Variants in MX1 observed in about 807,000 individuals in gnomAD.
MX1 encodes the protein interferon-induced GTP-binding protein Mx1.
A neutral mutation model predicts 66.4 loss-of-function variants in MX1; 66 were observed. That is an observed-to-expected ratio of 0.99 (90% CI 0.82 to 1.22). MX1 has a LOEUF of 1.22. Among genes scored for constraint, MX1 ranks in the 50% most tolerant of loss-of-function variants. The pLI is 0.00. For synonymous variants in MX1, 311 were observed against 318.1 expected (o/e 0.98, Z 0.24); for missense variants, 787 against 834.3 (o/e 0.94, Z 0.70).
upstream of MX1, among the ~76,000 whole-genome samples, chr21:41,425,041 G>T (rs564123978): frequency 1.3e-5 from 2 of 152,216 alleles, no homozygotes; most frequent in Non-Finnish European, 2.9e-5. Context: ...AGATAAGCTT[G>T]CATCTGCAAC....
At position 41,457,734 on chromosome 21, in the gene MX1, G is replaced by T. The variant is rs117531174; in HGVS notation, c.1759-794G>T. ...TCTATTTTGCCATCTTAACCATTTG[G>T]GGGTACATAGTTCAGTGGCATTAAG... On this transcript the variant is annotated intron_variant, in intron 16 of 16. Coordinates refer to ENST00000398598, the MANE Select transcript of MX1 (RefSeq NM_002462.5). Among the ~76,000 whole-genome samples the T allele has an allele frequency of 2.3e-3, 343 of 152,098 alleles. 5 individuals are homozygous for T. The East Asian group carries it at 0.028, about 12-fold the overall frequency.
intron 6 of MX1, among the ~76,000 whole-genome samples, 154 bp from the exon 7 acceptor site, chr21:41,436,861 G>A (rs17000912): frequency 0.031 from 4,789 of 152,254 alleles, 158 homozygotes; most frequent in Admixed American, 0.11. Flanking sequence ...GACACAGTGC[G>A]ATGTCCCCGC....
At position 41,435,824 on chromosome 21, in the gene MX1, T is replaced by C. The variant is rs758191803; in HGVS notation, c.106-13T>C. 1 of 1,595,298 alleles carries C rather than the reference T, an allele frequency of 6.3e-7. No homozygotes were observed. Among genetic ancestry groups the C allele is most frequent in the Non-Finnish European group, 8.6e-7 (1 of 1,165,444 alleles). The stretch of plus-strand genomic sequence containing the variant: ...GCAGGCCATGAAGAATTCTCCATTT[T>C]TGTTTCCTCCAGGTGGCTGAGAACA... On this transcript the variant is annotated splice_polypyrimidine_tract_variant and intron_variant, in intron 5 of 16. Transcript: ENST00000398598.
At chr21:41,427,467 A>G (rs2146050517) in intron 2 of MX1, among the ~76,000 whole-genome samples, 163 bp downstream of exon 2, 1 of 152,354 alleles carries the variant, frequency 6.6e-6, no homozygotes, top group East Asian at 1.9e-4. Context: ...TGGCACATGT[A>G]TACCTATGTA....
intron 13 of MX1, among the ~76,000 whole-genome samples, chr21:41,447,768 C>G (rs371499247): frequency 1.3e-5 from 2 of 152,098 alleles, no homozygotes; most frequent in Non-Finnish European, 2.9e-5. Context: ...CAGGGTCTCA[C>G]TCTGTTGCCC....
In MX1 at chr21:41,432,074, G is replaced by A; in HGVS notation, c.4G>A (p.Val2Ile). 6.2e-7 allele frequency: 1 copy of A among 1,614,036 alleles called. No homozygotes were observed. Among genetic ancestry groups the A allele is most frequent in the African/African-American group, 1.3e-5 (1 of 75,056 alleles). ...GCTTACTTTGCAAAGAAGGAAGATGGTTGTTTCCGAAGTGGACATCGCAAA... is the reference window on the plus strand; with the variant it reads ...GCTTACTTTGCAAAGAAGGAAGATGATTGTTTCCGAAGTGGACATCGCAAA... M[V>I]VSEVDIAKAD... is the part of the protein sequence containing the mutation. Residue 2 changes from valine to isoleucine, a missense_variant, in exon 5 of 17, where the codon GTT becomes ATT. Coordinates refer to ENST00000398598, the MANE Select transcript of MX1 (RefSeq NM_002462.5).
At chr21:41,432,196 C>A in intron 5 of MX1, 21 bp downstream of exon 5, 1 of 1,609,734 alleles carries the variant, frequency 6.2e-7, no homozygotes, top group South Asian at 1.1e-5. Context: ...CTCTGAAAGT[C>A]GCTATCCATG....
intron 13 of MX1, among the ~76,000 whole-genome samples, chr21:41,447,315 C>T (rs1365264028): frequency 6.6e-6 from 1 of 152,156 alleles, no homozygotes; most frequent in Non-Finnish European, 1.5e-5. Context: ...AATTTAATTA[C>T]CTCTTTGCCT....
At chr21:41,439,228 A>G (rs1009796373) in intron 7 of MX1, among the ~76,000 whole-genome samples, 12 of 152,158 alleles carry the variant, frequency 7.9e-5, no homozygotes, top group African/African-American at 2.9e-4. Context: ...AAGGAGCAAA[A>G]TAAAATCTCT....
In MX1 at chr21:41,435,893, C is replaced by A; in HGVS notation, c.162C>A (p.Asp54Glu). The change falls in exon 6 of 17, where the codon GAC (aspartate) becomes GAA (glutamate). Residue 54 changes from aspartate to glutamate, a missense_variant. Asp to Glu is a conservative substitution (Grantham distance 45, BLOSUM62 2). Coordinates refer to ENST00000398598, the MANE Select transcript of MX1 (RefSeq NM_002462.5). Reference protein sequence around the residue: ...QYEEKVRPCIDLIDSLRALGV... With the variant: ...QYEEKVRPCIELIDSLRALGV... The stretch of plus-strand genomic sequence containing the variant: ...AGGAGAAGGTGCGCCCCTGCATCGA[C>A]CTCATTGACTCCCTGCGGGCTCTAG... The A allele has an allele frequency of 1.2e-6, 2 of 1,614,240 alleles. No individual in the cohort carries two copies. The highest frequency in any genetic ancestry group is 2.2e-5 in the East Asian group (1 of 44,886).
intron 14 of MX1, 53 bp from the exon 15 acceptor site, chr21:41,451,114 G>C: frequency 8.0e-7 from 1 of 1,247,194 alleles, no homozygotes; most frequent in Non-Finnish European, 1.2e-6. Flanking sequence ...TGCATCTTAA[G>C]AAGAGAACAA....
chr21:41,430,906 T>C (rs544686994), intron 4 of MX1, among the ~76,000 whole-genome samples: 1 of 152,356 alleles, frequency 6.6e-6, no homozygotes, highest in Non-Finnish European at 1.5e-5. Flanking sequence ...ATAAAAGATT[T>C]AGAGCTCACG....
Position 41,458,622 on chromosome 21 carries a change from A to G in MX1, c.1853A>G (p.Gln618Arg), listed in dbSNP as rs546055363. ...YGQQLQKAML[Q>R]LLQDKDTYSW... ...CAGCAGCTTCAGAAGGCCATGCTGC[A>G]GCTCCTGCAGGACAAGGACACCTAC... is the stretch of plus-strand genomic sequence containing the variant. Residue 618 changes from glutamine to arginine, a missense_variant, in exon 17 of 17, where the codon CAG (glutamine) becomes CGG (arginine). Coordinates refer to ENST00000398598, the MANE Select transcript of MX1 (RefSeq NM_002462.5). The G allele has an allele frequency of 6.2e-7, 1 of 1,614,244 alleles. No homozygotes were observed. Among genetic ancestry groups the G allele is most frequent in the Non-Finnish European group, 8.5e-7 (1 of 1,180,038 alleles).
intron 4 of MX1, among the ~76,000 whole-genome samples, chr21:41,431,031 T>G: frequency 6.6e-6 from 1 of 152,236 alleles, no homozygotes; most frequent in East Asian, 1.9e-4. Context: ...TTTTGTTTGT[T>G]GTTGTTTTTA....
intron 1 of MX1, chr21:41,426,750 G>A (rs958042320): frequency 6.6e-6 from 1 of 152,266 alleles, no homozygotes; most frequent in Non-Finnish European, 1.5e-5. Context: ...GCTGGGGAGG[G>A]AAGGTTCAAG....
upstream of MX1, among the ~76,000 whole-genome samples, chr21:41,425,096 G>T (rs1568961459): frequency 6.6e-6 from 1 of 152,174 alleles, no homozygotes; most frequent in African/African-American, 2.4e-5. Context: ...TAGCCTATGT[G>T]TTACTTCTAA....
chr21:41,451,851 A>G (rs969862017), intron 15 of MX1, among the ~76,000 whole-genome samples: 3 of 138,740 alleles, frequency 2.2e-5, no homozygotes, highest in Admixed American at 1.4e-4. Context: ...AAAAAAAAAA[A>G]CAAACAAAAA....
intron 14 of MX1, 124 bp downstream of exon 14, chr21:41,449,419 C>A: frequency 1.1e-6 from 1 of 918,698 alleles, no homozygotes; most frequent in Non-Finnish European, 1.6e-6. Context: ...GCAAACCTCT[C>A]ATTCTCCAGA....
intron 16 of MX1, among the ~76,000 whole-genome samples, chr21:41,453,350 C>G (rs1434440136): frequency 6.6e-6 from 1 of 152,212 alleles, no homozygotes; most frequent in Non-Finnish European, 1.5e-5. Context: ...GGTGGGGACA[C>G]AGAGCCAAAC....
Sources: allele counts gnomAD v4.1 joint callset (sites outside exome capture counted in the v4.1 genomes callset), GRCh38; gene constraint gnomAD v4.1.1; transcripts MANE v1.5; gene names NCBI Gene and HGNC (gene_info 2026-07-23, HGNC 2026-07-21).